The following NKAIN2 variants were observed in gnomAD, a reference collection of about 807,000 sequenced individuals.
NKAIN2 encodes sodium/potassium transporting ATPase interacting 2.
In NKAIN2, 14 loss-of-function variants were observed where a neutral mutation model predicts 32.6. The ratio of observed to expected loss-of-function variants is 0.43; its 90% CI spans 0.28 to 0.67. The LOEUF (loss-of-function observed/expected upper bound fraction) is 0.67. Among genes scored for constraint, NKAIN2 ranks in the 30% least tolerant of loss-of-function variants. The probability of loss-of-function intolerance (pLI) is 0.17; values close to 1 mark genes in which losing one functional copy is unlikely to be tolerated. For missense variants in NKAIN2, 198 were observed against 258.3 expected (o/e 0.77, Z 1.60); for synonymous variants, 80 against 87.2 (o/e 0.92, Z 0.46).
chr6:124,237,267 T>C (rs1366496148), intron 1 of NKAIN2, among the ~76,000 whole-genome samples: 1 of 152,150 alleles, frequency 6.6e-6, no homozygotes, highest in Non-Finnish European at 1.5e-5. Flanking sequence ...CAACGTGAAC[T>C]ACCACAGAAC....
chr6:123,925,766 C>T (rs1775978549), intron 1 of NKAIN2, among the ~76,000 whole-genome samples: 1 of 152,144 alleles, frequency 6.6e-6, no homozygotes, highest in Non-Finnish European at 1.5e-5. Flanking sequence ...TCCAACTGAT[C>T]CCTTAGTTTT....
chr6:123,808,087 A>C (rs1198687440), intron 1 of NKAIN2, among the ~76,000 whole-genome samples: 2 of 152,174 alleles, frequency 1.3e-5, no homozygotes, highest in African/African-American at 4.8e-5. Flanking sequence ...TCATGATTTT[A>C]TGCAGTGTTC....
chr6:124,209,167 CT>C (rs1272060492), intron 1 of NKAIN2, among the ~76,000 whole-genome samples: 1 of 151,628 alleles, frequency 6.6e-6, no homozygotes, highest in Non-Finnish European at 1.5e-5. Context: ...TACTCTCTAT[CT>C]CCATGTATTC....
chr6:124,093,658 CAT>C (rs1208289694), intron 1 of NKAIN2, among the ~76,000 whole-genome samples: 1 of 152,078 alleles, frequency 6.6e-6, no homozygotes, highest in Non-Finnish European at 1.5e-5. Flanking sequence ...AACAAATTTT[CAT>C]ATGAAGTCTA....
chr6:124,534,195 A>C (rs1411749298), intron 3 of NKAIN2, among the ~76,000 whole-genome samples: 1 of 151,534 alleles, frequency 6.6e-6, no homozygotes, highest in Non-Finnish European at 1.5e-5. Flanking sequence ...TCTGTTGCCC[A>C]GACTGGAGTG....
At chr6:123,805,119 T>C (rs554649307) in intron 1 of NKAIN2, among the ~76,000 whole-genome samples, 2 of 152,330 alleles carry the variant, frequency 1.3e-5, no homozygotes, top group South Asian at 4.1e-4. Context: ...AGTAGAGAGT[T>C]GAGAGGTGAA....
At chr6:124,787,879 T>G (rs2114799982) in intron 4 of NKAIN2, among the ~76,000 whole-genome samples, 2 of 152,124 alleles carry the variant, frequency 1.3e-5, no homozygotes, top group South Asian at 4.1e-4. Context: ...GGCTCTTACC[T>G]AAACACAACC....
intron 4 of NKAIN2, among the ~76,000 whole-genome samples, chr6:124,788,850 G>T (rs568036006): frequency 6.6e-5 from 10 of 152,158 alleles, no homozygotes; most frequent in African/African-American, 2.4e-4. Context: ...AATTGCCACT[G>T]GGGAGGTAAA....
Position 124,377,332 on chromosome 6 carries a change from C to T in NKAIN2, c.273+21985C>T, listed in dbSNP as rs184975479. ...AATTACATGGCCTGGGCCCAAGGAT[C>T]AGGGCAGTAAGCAAGCCAGACCCAG... On this transcript the variant is annotated intron_variant, in intron 3 of 6. Coordinates refer to ENST00000368417, the MANE Select transcript of NKAIN2 (RefSeq NM_001040214.3). 1.5e-3 allele frequency among the ~76,000 whole-genome samples: 231 copies of T among 152,260 alleles called. 2 individuals carry two copies. The highest frequency in any genetic ancestry group is 0.012 in the Admixed American group (182 of 15,278).
intron 1 of NKAIN2, among the ~76,000 whole-genome samples, chr6:123,941,425 G>T (rs1366999650): frequency 6.6e-6 from 1 of 151,544 alleles, no homozygotes; most frequent in East Asian, 1.9e-4. Context: ...TTTGTCCCAT[G>T]GCAGCACAGA....
At chr6:124,513,399 C>T (rs577647715) in intron 3 of NKAIN2, among the ~76,000 whole-genome samples, 3 of 152,224 alleles carry the variant, frequency 2.0e-5, no homozygotes, top group African/African-American at 7.2e-5. Flanking sequence ...AATCCTCATC[C>T]TTGTGCATAA....
intron 5 of NKAIN2, among the ~76,000 whole-genome samples, chr6:124,806,047 C>G (rs571889748): frequency 0.05 from 7,662 of 152,188 alleles, 221 homozygotes; most frequent in South Asian, 0.1. Flanking sequence ...AGAACGGAAC[C>G]AAGTTGGAAA....
intron 3 of NKAIN2, among the ~76,000 whole-genome samples, chr6:124,527,386 C>G (rs575752047): frequency 3.9e-4 from 60 of 152,280 alleles, no homozygotes; most frequent in African/African-American, 1.3e-3. Context: ...TGAAGTGTTA[C>G]TAGTTCTACT....
chr6:124,489,855 T>C (rs1777793057), intron 3 of NKAIN2, among the ~76,000 whole-genome samples: 1 of 151,840 alleles, frequency 6.6e-6, no homozygotes, highest in Admixed American at 6.6e-5. Context: ...ATTACTCTAA[T>C]TTGTCCCCTA....
intron 4 of NKAIN2, among the ~76,000 whole-genome samples, chr6:124,660,729 A>G (rs1021162908): frequency 6.6e-6 from 1 of 152,208 alleles, no homozygotes; most frequent in Non-Finnish European, 1.5e-5. Context: ...GCAATGGCAC[A>G]GCCACGGCAT....
intron 4 of NKAIN2, among the ~76,000 whole-genome samples, chr6:124,740,859 T>C (rs1443818242): frequency 6.6e-6 from 1 of 151,792 alleles, no homozygotes; most frequent in Non-Finnish European, 1.5e-5. Context: ...TTAGGAAAAG[T>C]TTTAAGGACT....
intron 1 of NKAIN2, among the ~76,000 whole-genome samples, chr6:123,952,692 A>C (rs1462967119): frequency 6.6e-6 from 1 of 151,952 alleles, no homozygotes; most frequent in Non-Finnish European, 1.5e-5. Flanking sequence ...GCTTTTGAAT[A>C]TATTTTTATT....
At chr6:124,690,330 T>C (rs569549310) in intron 4 of NKAIN2, among the ~76,000 whole-genome samples, 1 of 152,282 alleles carries the variant, frequency 6.6e-6, no homozygotes, top group African/African-American at 2.4e-5. Context: ...TGCTATGAGT[T>C]CCCAAAGTTT....
intron 1 of NKAIN2, among the ~76,000 whole-genome samples, chr6:124,250,826 A>T (rs1183702716): frequency 6.6e-6 from 1 of 152,042 alleles, no homozygotes; most frequent in East Asian, 1.9e-4. Context: ...AATAATCCTA[A>T]TTCATAACGA....
Sources: allele counts gnomAD v4.1 joint callset (sites outside exome capture counted in the v4.1 genomes callset), GRCh38; gene constraint gnomAD v4.1.1; transcripts MANE v1.5; gene names NCBI Gene and HGNC (gene_info 2026-07-23, HGNC 2026-07-21).